The following RPH3AL variants were observed in gnomAD, a reference collection of about 807,000 sequenced individuals.
RPH3AL encodes rabphilin 3A like (without C2 domains).
In RPH3AL, 38 loss-of-function variants were observed where a neutral mutation model predicts 43.1. The ratio of observed to expected loss-of-function variants is 0.88; its 90% CI spans 0.68 to 1.15. RPH3AL has a LOEUF of 1.15. RPH3AL is among the 50% of genes most tolerant of loss of function. RPH3AL has a pLI of 0.00. For missense variants in RPH3AL, 462 were observed against 423.2 expected (o/e 1.09, Z -0.81); for synonymous variants, 189 against 176.3 (o/e 1.07, Z -0.57).
intron 6 of RPH3AL, among the ~76,000 whole-genome samples, chr17:250,223 CGCTGCGGG>C (rs2041863479): frequency 7.7e-6 from 1 of 129,392 alleles, no homozygotes; most frequent in Admixed American, 8.0e-5. Flanking sequence ...TAAGCTCTGT[CGCTGCGGG>C]ACCTCTCAGA....
intron 5 of RPH3AL, among the ~76,000 whole-genome samples, chr17:282,527 G>C (rs1213441356): frequency 6.6e-6 from 1 of 152,214 alleles, no homozygotes; most frequent in Non-Finnish European, 1.5e-5. Flanking sequence ...CTGCTGATGT[G>C]CTGGGCCATC....
chr17:217,993 T>C (rs1374243891), intron 8 of RPH3AL, among the ~76,000 whole-genome samples: 5 of 132,858 alleles, frequency 3.8e-5, no homozygotes, highest in Admixed American at 7.4e-5. Flanking sequence ...TCATTCCTGT[T>C]TGGGGCAGTT....
chr17:321,451 C>A lies in RPH3AL; in HGVS notation c.78-36G>T. 4.6e-6 allele frequency: 7 copies of A among 1,527,778 alleles called. No individual in the cohort carries two copies. The South Asian group carries it at 7.4e-5, about 16-fold the overall frequency. The allele number at this position is 1,527,778 out of a possible 1,614,324, so 94.6% of individuals were successfully genotyped here. ...AACAGCACAGACGGCGTGGAGGCCT[C>A]CCCGGTGCAAACTCCGGCAGCCCCT... On this transcript the variant is annotated intron_variant, in intron 3 of 9. Transcript: ENST00000331302.
intron 4 of RPH3AL, 109 bp downstream of exon 4, chr17:321,163 C>T (rs1010478811): frequency 4.6e-5 from 64 of 1,378,688 alleles, no homozygotes; most frequent in Non-Finnish European, 6.1e-5. Context: ...CACCCACTCC[C>T]AGAGGTAAAT....
At position 307,651 on chromosome 17, in the gene RPH3AL, T is replaced by C. The variant is rs573989275; in HGVS notation, c.351+11769A>G. Among the ~76,000 whole-genome samples, 55 of 152,310 alleles carry C rather than the reference T, an allele frequency of 3.6e-4. 2 individuals carry two copies. In the East Asian group the frequency reaches 9.7e-3, roughly 27 times the overall value. On this transcript the variant is annotated intron_variant, in intron 5 of 9. Transcript: ENST00000331302. ...TCATGCAAAGCTCCGTCCAGAAAGC[T>C]CTGGGCCTTGCCAGGGATCCGTGTG...
rs1460823008 is a variant in RPH3AL, at chr17:264,717, C to A, written c.438+17051G>T. Among the ~76,000 whole-genome samples, 3 of 152,194 alleles carry A rather than the reference C, an allele frequency of 2.0e-5. No individual in the cohort carries two copies. Among genetic ancestry groups the A allele is most frequent in the African/African-American group, 7.2e-5 (3 of 41,458 alleles). On this transcript the variant is annotated intron_variant, in intron 6 of 9. Coordinates refer to ENST00000331302, the MANE Select transcript of RPH3AL (RefSeq NM_006987.4). The surrounding 1 kb of genome is among the most constrained non-coding windows in gnomAD (Gnocchi z 4.8). The stretch of plus-strand genomic sequence containing the variant: ...CTAAGCGTGGAGGATGACCCTTCCA[C>A]CTGTGACCGGTATCAGCAAAAATGG...
At chr17:243,021 A>G in intron 7 of RPH3AL, among the ~76,000 whole-genome samples, 1 of 117,338 alleles carries the variant, frequency 8.5e-6, no homozygotes, top group African/African-American at 3.2e-5. Context: ...TCTATTGAAT[A>G]CCTTCCTCTA....
At chr17:227,335 G>A (rs946121598) in intron 7 of RPH3AL, among the ~76,000 whole-genome samples, 4 of 151,574 alleles carry the variant, frequency 2.6e-5, no homozygotes, top group African/African-American at 7.3e-5. Flanking sequence ...GGAGCGGGGG[G>A]AAGAGTCTTT....
At chr17:327,992 G>A (rs1471872245) in intron 2 of RPH3AL, among the ~76,000 whole-genome samples, 2 of 152,130 alleles carry the variant, frequency 1.3e-5, no homozygotes, top group African/African-American at 4.8e-5. Flanking sequence ...GGGGGGTGAT[G>A]GCCAGACAGG....
intron 7 of RPH3AL, among the ~76,000 whole-genome samples, chr17:241,055 C>CAATAATAATAATAAT (rs57086885): frequency 7.0e-6 from 1 of 143,556 alleles, no homozygotes; most frequent in African/African-American, 2.6e-5. Flanking sequence ...GACTCCATCT[C>CAATAATAATAATAAT]AATAATAATA....
chr17:350,394 G>A (rs1484712029), intron 1 of RPH3AL, among the ~76,000 whole-genome samples: 1 of 152,108 alleles, frequency 6.6e-6, no homozygotes, highest in African/African-American at 2.4e-5. Flanking sequence ...GGCAGATCAT[G>A]AGGTCAAGAG....
At chr17:226,296 C>A (rs74839387) in intron 7 of RPH3AL, among the ~76,000 whole-genome samples, 1 of 152,090 alleles carries the variant, frequency 6.6e-6, no homozygotes, top group Non-Finnish European at 1.5e-5. Context: ...GCCAGGAAGC[C>A]GATGAGACAG....
At chr17:272,960 G>A (rs921914791) in intron 6 of RPH3AL, among the ~76,000 whole-genome samples, 1,542 of 33,640 alleles carry the variant, frequency 0.046, 68 homozygotes, top group African/African-American at 0.11. Context: ...CAAGGGCTAC[G>A]TCAGGGTGAG....
intron 6 of RPH3AL, among the ~76,000 whole-genome samples, chr17:259,784 C>A (rs1555545676): frequency 1.3e-5 from 2 of 152,250 alleles, no homozygotes; most frequent in East Asian, 3.8e-4. Context: ...GCTCCGCTTC[C>A]AGGTTTGCAT....
chr17:213,761 C>T lies in RPH3AL; in HGVS notation c.*91G>A. ...TGTTGAGTCATGGCCAACAGGGTGTCTGGTGAGGGCACAAGGACCGGTCAG... is the reference window on the plus strand; with the variant it reads ...TGTTGAGTCATGGCCAACAGGGTGTTTGGTGAGGGCACAAGGACCGGTCAG... On this transcript the variant is annotated 3_prime_UTR_variant, in exon 10 of 10. Transcript: ENST00000331302. 1 of 1,036,878 alleles carries T rather than the reference C, an allele frequency of 9.6e-7. No homozygotes were observed. Among genetic ancestry groups the T allele is most frequent in the East Asian group, 2.5e-5 (1 of 39,622 alleles). 64.2% of individuals were successfully genotyped at this position (1,036,878 alleles called of 1,614,324 possible). A position where few individuals can be genotyped will look rare whatever the true frequency, so the allele number is the denominator to read the frequency against.
At chr17:258,786 G>C (rs1324960486) in intron 6 of RPH3AL, among the ~76,000 whole-genome samples, 4 of 144,646 alleles carry the variant, frequency 2.8e-5, no homozygotes, top group Admixed American at 6.9e-5. Context: ...TTTGAGACAG[G>C]GTCTCACTCT....
At chr17:273,793 C>T (rs185327024) in intron 6 of RPH3AL, among the ~76,000 whole-genome samples, 19 of 152,356 alleles carry the variant, frequency 1.2e-4, no homozygotes, top group African/African-American at 4.1e-4. Flanking sequence ...CCGTGGCTGC[C>T]GGGTTATAAT....
rs1313354856 is a variant in RPH3AL at position 290,141 on chromosome 17, C to G, written c.352-8287G>C. Reference sequence around the variant, plus strand: ...AGGCTCCCTCCCGGAACATGCCGACCTGCCGGGAAGACAAGCTGCACGGAG... The same window carrying G: ...AGGCTCCCTCCCGGAACATGCCGACGTGCCGGGAAGACAAGCTGCACGGAG... On this transcript the variant is annotated intron_variant, in intron 5 of 9. Coordinates refer to ENST00000331302, the MANE Select transcript of RPH3AL (RefSeq NM_006987.4). This position sits in a 1 kb window ranked among gnomAD's most constrained non-coding sequence, Gnocchi z 4.2. 6.6e-6 allele frequency among the ~76,000 whole-genome samples: 1 copy of G among 152,260 alleles called. No homozygotes were observed. Among genetic ancestry groups the G allele is most frequent in the Non-Finnish European group, 1.5e-5 (1 of 68,046 alleles).
At chr17:315,385 C>A in intron 5 of RPH3AL, among the ~76,000 whole-genome samples, 1 of 152,350 alleles carries the variant, frequency 6.6e-6, no homozygotes, top group African/African-American at 2.4e-5. Flanking sequence ...CTGTGCCCCA[C>A]CTCCATTGAC....
Sources: allele counts gnomAD v4.1 joint callset (sites outside exome capture counted in the v4.1 genomes callset), GRCh38; gene constraint gnomAD v4.1.1; non-coding constraint Gnocchi (gnomAD v3.1); transcripts MANE v1.5; gene names NCBI Gene and HGNC (gene_info 2026-07-23, HGNC 2026-07-21).